SWAP70: variants seen among roughly 807,000 people sequenced by gnomAD.
The protein encoded by SWAP70 is switching B cell complex subunit SWAP70.
Under a neutral mutation model 80.2 loss-of-function variants are expected in SWAP70, and 34 were observed. That is an observed-to-expected ratio of 0.42 (90% CI 0.32 to 0.56). The LOEUF (loss-of-function observed/expected upper bound fraction) is 0.56, where lower values mean the gene tolerates loss of function less well. SWAP70 is among the 20% of genes least tolerant of loss of function. SWAP70 has a pLI of 0.09. For synonymous variants in SWAP70, 239 were observed against 238.5 expected (o/e 1.00, Z -0.02); for missense variants, 578 against 690.7 (o/e 0.84, Z 1.83).
chr11:9,735,615 G>C (rs554943917), intron 7 of SWAP70, among the ~76,000 whole-genome samples: 59 of 152,302 alleles, frequency 3.9e-4, no homozygotes, highest in African/African-American at 1.3e-3. Flanking sequence ...GCTATTCACT[G>C]TGCCGGAAGA....
intron 2 of SWAP70, among the ~76,000 whole-genome samples, chr11:9,705,535 T>A: frequency 6.9e-6 from 1 of 145,528 alleles, no homozygotes; most frequent in East Asian, 2.1e-4. Context: ...GTGATCTGTA[T>A]ACACTGGTGA....
At chr11:9,668,836 G>C (rs1290631328) in intron 1 of SWAP70, among the ~76,000 whole-genome samples, 1 of 152,062 alleles carries the variant, frequency 6.6e-6, no homozygotes, top group African/African-American at 2.4e-5. Context: ...TTTTGACACA[G>C]AGAATGGATA....
intron 2 of SWAP70, among the ~76,000 whole-genome samples, chr11:9,706,843 G>A (rs1850921586): frequency 1.3e-5 from 2 of 152,004 alleles, no homozygotes; most frequent in Non-Finnish European, 2.9e-5. Context: ...TGTTACAGCT[G>A]TGTATATGGT....
chr11:9,725,868 G>A (rs1851217665), intron 4 of SWAP70, among the ~76,000 whole-genome samples: 1 of 88,460 alleles, frequency 1.1e-5, no homozygotes, highest in African/African-American at 4.2e-5. Flanking sequence ...CCGCGCCCAG[G>A]CCATTTCCAA....
intron 1 of SWAP70, among the ~76,000 whole-genome samples, chr11:9,678,398 G>A (rs1345459183): frequency 6.6e-6 from 1 of 150,884 alleles, no homozygotes; most frequent in Non-Finnish European, 1.5e-5. Flanking sequence ...CTTAAAATAG[G>A]ATAATGAATG....
rs1851575107 is a variant in SWAP70 at position 9,750,604 on chromosome 11, A to T, written c.*634A>T. ...AAATGAGGCAGGGTGCAGACAGCACAGTCAGCTCTGCAGAGTTTGGAGGGG... is the reference window on the plus strand; with the variant it reads ...AAATGAGGCAGGGTGCAGACAGCACTGTCAGCTCTGCAGAGTTTGGAGGGG... On this transcript the variant is annotated 3_prime_UTR_variant, in exon 12 of 12. Coordinates refer to ENST00000318950, the MANE Select transcript of SWAP70 (RefSeq NM_015055.4). The T allele has an allele frequency of 6.6e-6, 1 of 152,380 alleles. No individual in the cohort carries two copies. The highest frequency in any genetic ancestry group is 2.1e-4 in the South Asian group (1 of 4,838). 9.4% of individuals were successfully genotyped at this position (152,380 alleles called of 1,614,324 possible).
intron 9 of SWAP70, among the ~76,000 whole-genome samples, chr11:9,743,568 C>T (rs1851470856): frequency 6.6e-6 from 1 of 151,424 alleles, no homozygotes; most frequent in Non-Finnish European, 1.5e-5. Context: ...CCTGTTGTTT[C>T]CTGACTTTTT....
At chr11:9,719,966 C>A in intron 3 of SWAP70, 1 of 637,248 alleles carries the variant, frequency 1.6e-6, no homozygotes, top group Non-Finnish European at 2.0e-6. Context: ...CTGAAGGCCT[C>A]GAAAATCACA....
At chr11:9,712,216 A>G (rs1425578711) in intron 2 of SWAP70, among the ~76,000 whole-genome samples, 1 of 152,168 alleles carries the variant, frequency 6.6e-6, no homozygotes, top group Non-Finnish European at 1.5e-5. Context: ...ATAGGCCAGT[A>G]TTATGTTGAG....
chr11:9,677,048 C>CTT (rs1008591382), intron 1 of SWAP70, among the ~76,000 whole-genome samples: 1 of 143,486 alleles, frequency 7.0e-6, no homozygotes, highest in Non-Finnish European at 1.5e-5. Context: ...GTATTTCTCT[C>CTT]TTTTTTTTTT....
At chr11:9,723,842 C>T (rs1418020182) in intron 3 of SWAP70, among the ~76,000 whole-genome samples, 3 of 151,144 alleles carry the variant, frequency 2.0e-5, no homozygotes, top group African/African-American at 7.3e-5. Context: ...GCACAATCGC[C>T]GCTCACTGCA....
chr11:9,676,212 G>T (rs1850498769), intron 1 of SWAP70, among the ~76,000 whole-genome samples: 1 of 152,190 alleles, frequency 6.6e-6, no homozygotes, highest in Non-Finnish European at 1.5e-5. Flanking sequence ...AGTATATTCT[G>T]TGTTAACTGA....
intron 1 of SWAP70, among the ~76,000 whole-genome samples, chr11:9,671,720 AAATATATTT>A (rs1850404528): frequency 9.4e-6 from 1 of 106,830 alleles, no homozygotes; most frequent in Non-Finnish European, 1.7e-5. Context: ...AGAAATATAT[AAATATATTT>A]CTATGTATAC....
At chr11:9,745,113 A>G (rs956235547) in intron 9 of SWAP70, among the ~76,000 whole-genome samples, 2 of 152,194 alleles carry the variant, frequency 1.3e-5, no homozygotes, top group African/African-American at 4.8e-5. Flanking sequence ...ATGGAACAAC[A>G]GTCCCTCTTA....
At chr11:9,708,126 G>T (rs916503642) in intron 2 of SWAP70, among the ~76,000 whole-genome samples, 1 of 152,082 alleles carries the variant, frequency 6.6e-6, no homozygotes, top group African/African-American at 2.4e-5. Flanking sequence ...TCTCATTAAG[G>T]TCCTGTTTGC....
At chr11:9,694,348 A>C in intron 2 of SWAP70, 62 bp downstream of exon 2, 2 of 1,507,150 alleles carry the variant, frequency 1.3e-6, no homozygotes, top group East Asian at 2.4e-5. Context: ...AAGTGGGCCC[A>C]AAAGCCCCCT....
chr11:9,683,828 T>C (rs1312520315), intron 1 of SWAP70, among the ~76,000 whole-genome samples: 1 of 152,126 alleles, frequency 6.6e-6, no homozygotes, highest in Non-Finnish European at 1.5e-5. Flanking sequence ...AGCAGTTACC[T>C]ACTTGAGGGG....
chr11:9,739,145 G>A (rs1851402838), intron 8 of SWAP70, among the ~76,000 whole-genome samples: 1 of 152,170 alleles, frequency 6.6e-6, no homozygotes, highest in South Asian at 2.1e-4. Context: ...GGCAGCTCCG[G>A]TTCATCCTAG....
chr11:9,670,593 G>T (rs1850363732), intron 1 of SWAP70, among the ~76,000 whole-genome samples: 1 of 152,020 alleles, frequency 6.6e-6, no homozygotes, highest in South Asian at 2.1e-4. Flanking sequence ...CAGTCTTGGG[G>T]AATGGCTATG....
Sources: allele counts gnomAD v4.1 joint callset (sites outside exome capture counted in the v4.1 genomes callset), GRCh38; gene constraint gnomAD v4.1.1; transcripts MANE v1.5; gene names NCBI Gene and HGNC (gene_info 2026-07-23, HGNC 2026-07-21).